VPS4B: variants seen among roughly 807,000 people sequenced by gnomAD.
VPS4B encodes vacuolar protein sorting 4 homolog B.
VPS4B carries 23 observed loss-of-function variants against 56.1 expected under a neutral mutation model. The observed-to-expected ratio is 0.41, with a 90% CI of 0.30 to 0.58. VPS4B has a LOEUF of 0.58. VPS4B is among the 20% of genes least tolerant of loss of function. The probability of loss-of-function intolerance (pLI) is 0.29; values close to 1 mark genes in which losing one functional copy is unlikely to be tolerated. For missense variants in VPS4B, 372 were observed against 531.9 expected, an observed-to-expected ratio of 0.70 and a Z score of 2.96; for synonymous variants, 177 against 186.0, an observed-to-expected ratio of 0.95 and a Z score of 0.39.
In VPS4B at chr18:63,422,214, G is replaced by C. The variant is rs767733528; in HGVS notation, c.27+19C>G. Reference sequence around the variant, plus strand: ...CTCGATCCCAGCTCCCTAGGGGGACGGGAGATGAGCAATGATACCTGGAGG... The same window carrying C: ...CTCGATCCCAGCTCCCTAGGGGGACCGGAGATGAGCAATGATACCTGGAGG... On this transcript the variant is annotated intron_variant, in intron 1 of 10. Transcript: ENST00000238497. 1.3e-6 allele frequency: 2 copies of C among 1,503,684 alleles called. No homozygotes were observed. The highest frequency in any genetic ancestry group is 1.8e-6 in the Non-Finnish European group (2 of 1,124,436). The allele number at this position is 1,503,684 out of a possible 1,614,324, so 93.1% of individuals were successfully genotyped here.
intron 5 of VPS4B, 125 bp downstream of exon 5, chr18:63,403,579 TCAC>T (rs1367961971): frequency 1.9e-6 from 2 of 1,032,806 alleles, no homozygotes; most frequent in Non-Finnish European, 2.7e-6. Context: ...TAAAGATATA[TCAC>T]CACCTTTTAA....
At chr18:63,419,535 G>A (rs1207630868) in intron 1 of VPS4B, among the ~76,000 whole-genome samples, 1 of 151,710 alleles carries the variant, frequency 6.6e-6, no homozygotes. Context: ...GCCCCTTACC[G>A]CCTCCCATCC....
At chr18:63,404,474 T>C (rs1915875722) in intron 4 of VPS4B, 1 of 152,208 alleles carries the variant, frequency 6.6e-6, no homozygotes, top group Non-Finnish European at 1.5e-5. Flanking sequence ...AATAGATCTA[T>C]TTACAACTTT....
At chr18:63,405,796 A>AAAACAAACAAAC (rs548392723) in intron 4 of VPS4B, among the ~76,000 whole-genome samples, 1 of 151,198 alleles carries the variant, frequency 6.6e-6, no homozygotes, top group African/African-American at 2.4e-5. Flanking sequence ...CACCTCTACA[A>AAAACAAACAAAC]AAACAAACAA....
intron 8 of VPS4B, 99 bp from the exon 9 acceptor site, chr18:63,397,352 G>T: frequency 9.4e-7 from 1 of 1,067,106 alleles, no homozygotes; most frequent in South Asian, 1.7e-5. Flanking sequence ...ATGTGCCAAG[G>T]TTAAACATAT....
chr18:63,398,980 G>A (rs973082627), intron 8 of VPS4B, among the ~76,000 whole-genome samples: 3 of 152,082 alleles, frequency 2.0e-5, no homozygotes, highest in African/African-American at 4.8e-5. Flanking sequence ...AACTTAATCA[G>A]AATGAAAGGT....
At chr18:63,405,387 T>G (rs1385456085) in intron 4 of VPS4B, among the ~76,000 whole-genome samples, 2 of 151,382 alleles carry the variant, frequency 1.3e-5, no homozygotes, top group Non-Finnish European at 2.9e-5. Flanking sequence ...AAAACAGAAG[T>G]AAAAGATTTA....
At position 63,397,089 on chromosome 18, in the gene VPS4B, C is replaced by T. The variant is rs1202244873; in HGVS notation, c.1037G>A (p.Arg346His). 1.9e-6 allele frequency: 3 copies of T among 1,613,958 alleles called. No homozygotes were observed. Among genetic ancestry groups the T allele is most frequent in the African/African-American group, 1.3e-5 (1 of 74,872 alleles). ...CCTAACAGGCTGCATAAGGGCATCACGTACAATGATACTTATATCTGCCCC... is the reference window on the plus strand; with the variant it reads ...CCTAACAGGCTGCATAAGGGCATCATGTACAATGATACTTATATCTGCCCC... ...YSGADISIIVRDALMQPVRKV... is the reference protein window; with the variant it reads ...YSGADISIIVHDALMQPVRKV... Residue 346 changes from arginine to histidine, a missense_variant, in exon 9 of 11, where the codon CGT (arginine) becomes CAT (histidine). Physicochemically the swap from Arg to His is conservative, Grantham distance 29. This residue lies in a region of VPS4B where 153 missense variants were observed against 190.9 expected (regional missense o/e 0.80). Coordinates refer to ENST00000238497, the MANE Select transcript of VPS4B (RefSeq NM_004869.4).
In VPS4B at chr18:63,399,292, A is replaced by T. The variant is rs375207178; in HGVS notation, c.822T>A (p.Val274=). Residue 274 remains valine (V), a synonymous_variant, in exon 8 of 11, where the codon GTT becomes GTA. Coordinates refer to ENST00000238497, the MANE Select transcript of VPS4B (RefSeq NM_004869.4). ...GVGVDNDGIL[V]LGATNIPWVL... The stretch of plus-strand genomic sequence containing the variant: ...CCCAGGGTATATTTGTAGCTCCCAG[A>T]ACCAAAATTCCATCATTGTCTACAC... The T allele has an allele frequency of 6.2e-6, 10 of 1,613,964 alleles. No individual in the cohort carries two copies. Among genetic ancestry groups the T allele is most frequent in the Non-Finnish European group, 7.6e-6 (9 of 1,179,966 alleles).
At chr18:63,407,524 C>A in intron 3 of VPS4B, 25 bp from the exon 4 acceptor site, 1 of 1,555,706 alleles carries the variant, frequency 6.4e-7, no homozygotes, top group South Asian at 1.2e-5. Context: ...TTAATATATT[C>A]AAATGATCAC....
At chr18:63,410,077 A>G (rs1051322261) in intron 3 of VPS4B, among the ~76,000 whole-genome samples, 3 of 152,254 alleles carry the variant, frequency 2.0e-5, no homozygotes, top group Non-Finnish European at 4.4e-5. Flanking sequence ...ACACAACCAC[A>G]CAACTTTGTT....
chr18:63,422,402 A>T lies in VPS4B; in HGVS notation c.-143T>A. 2.8e-6 allele frequency: 2 copies of T among 717,442 alleles called. No individual in the cohort carries two copies. Among genetic ancestry groups the T allele is most frequent in the Non-Finnish European group, 4.1e-6 (2 of 485,028 alleles). The allele number at this position is 717,442 out of a possible 1,614,324, so 44.4% of individuals were successfully genotyped here. On this transcript the variant is annotated 5_prime_UTR_variant, in exon 1 of 11. Coordinates refer to ENST00000238497, the MANE Select transcript of VPS4B (RefSeq NM_004869.4). ...CGCGAAGGGCAGCCTCCCTTCCGGA[A>T]CTTGTTTTAGACAACACTCTCTCCA... is the stretch of plus-strand genomic sequence containing the variant.
chr18:63,391,155 GCTATGAACTTT>G, intron 10 of VPS4B, 79 bp from the exon 11 acceptor site: 1 of 911,010 alleles, frequency 1.1e-6, no homozygotes, highest in Non-Finnish European at 1.7e-6. Context: ...TATCATTATT[GCTATGAACTTT>G]AACCTAAGTT....
intron 4 of VPS4B, among the ~76,000 whole-genome samples, chr18:63,405,416 A>G (rs34364146): frequency 0.036 from 5,438 of 152,212 alleles, 103 homozygotes; most frequent in African/African-American, 0.044. Flanking sequence ...TTCAAAAAAC[A>G]AGGAAAAATT....
intron 4 of VPS4B, among the ~76,000 whole-genome samples, chr18:63,405,104 C>G (rs1251445908): frequency 6.6e-6 from 1 of 151,986 alleles, no homozygotes; most frequent in Non-Finnish European, 1.5e-5. Context: ...ATATATAATA[C>G]TTCTAAGTTA....
rs1249196618 is a variant in VPS4B at position 63,397,393 on chromosome 18, CA to C, written c.873-141del. The C allele has an allele frequency of 1.1e-5, 8 of 756,620 alleles. No individual in the cohort carries two copies. In the African/African-American group the frequency reaches 1.1e-4, roughly 10 times the overall value. The allele number at this position is 756,620 out of a possible 1,614,324, so 46.9% of individuals were successfully genotyped here. ...TAGGTTAAAGGGATAATATCCAGAA[CA>C]CATTAAAAACAAACAAATAAAATCA... is the stretch of plus-strand genomic sequence containing the variant. On this transcript the variant is annotated intron_variant, in intron 8 of 10. Coordinates refer to ENST00000238497, the MANE Select transcript of VPS4B (RefSeq NM_004869.4).
chr18:63,399,938 G>A, intron 7 of VPS4B, 110 bp downstream of exon 7: 1 of 988,442 alleles, frequency 1.0e-6, no homozygotes, highest in Non-Finnish European at 1.4e-6. Context: ...AGAATTGCTT[G>A]AACCTGGGAG....
rs575986623 is a variant in VPS4B, at chr18:63,399,140, T to C, written c.872+102A>G. On this transcript the variant is annotated intron_variant, in intron 8 of 10. Coordinates refer to ENST00000238497, the MANE Select transcript of VPS4B (RefSeq NM_004869.4). The stretch of plus-strand genomic sequence containing the variant: ...CAGGGTTAGAGCACATTACAAATCT[T>C]TTGAAAAGTTGTTAGAATGCTTCCT... 4.6e-6 allele frequency: 5 copies of C among 1,089,456 alleles called. No individual in the cohort carries two copies. In the South Asian group the frequency reaches 5.7e-5, roughly 12 times the overall value. The allele number at this position is 1,089,456 out of a possible 1,614,324, so 67.5% of individuals were successfully genotyped here.
At position 63,409,125 on chromosome 18, in the gene VPS4B, T is replaced by C. The variant is rs146353632; in HGVS notation, c.296+1165A>G. Among the ~76,000 whole-genome samples, 1,039 of 152,364 alleles carry C rather than the reference T, an allele frequency of 6.8e-3. 13 individuals are homozygous for C. Among genetic ancestry groups the C allele is most frequent in the African/African-American group, 0.024 (1,003 of 41,586 alleles). The stretch of plus-strand genomic sequence containing the variant: ...CATCTGATTTTTGTTAAGTCAGTGC[T>C]ATCGATGAAGAAGATAACATGTTCT... On this transcript the variant is annotated intron_variant, in intron 3 of 10. Transcript: ENST00000238497.
Sources: gnomAD v4.1 joint callset for allele counts (sites outside exome capture counted in the v4.1 genomes callset) on GRCh38, gnomAD v4.1.1 for gene constraint, gnomAD v4.1.1 regional missense constraint, MANE v1.5 for transcripts, NCBI Gene and HGNC (gene_info 2026-07-23, HGNC 2026-07-21) for gene names.